EIF4G3: variants seen among roughly 807,000 people sequenced by gnomAD.
EIF4G3 encodes eIF-4-gamma 3.
Under a neutral mutation model 186.4 loss-of-function variants are expected in EIF4G3, and 34 were observed. The ratio of observed to expected loss-of-function variants is 0.18; its 90% CI spans 0.14 to 0.24. The LOEUF is 0.24. Among genes scored for constraint, EIF4G3 ranks in the 10% least tolerant of loss-of-function variants. The pLI, the probability that EIF4G3 is intolerant of heterozygous loss-of-function variation, is 1.00. For missense variants in EIF4G3, 1,536 were observed against 1,948.5 expected (o/e 0.79, Z 3.99); for synonymous variants, 673 against 679.5 (o/e 0.99, Z 0.15).
intron 3 of EIF4G3, among the ~76,000 whole-genome samples, chr1:21,061,726 T>C (rs2154578551): frequency 6.6e-6 from 1 of 151,848 alleles, no homozygotes; most frequent in Admixed American, 6.6e-5. Flanking sequence ...ATCAATATGG[T>C]TTATTTCTCT....
intron 2 of EIF4G3, among the ~76,000 whole-genome samples, chr1:21,170,751 G>A (rs1194651903): frequency 1.3e-5 from 2 of 152,102 alleles, no homozygotes; most frequent in Non-Finnish European, 1.5e-5. Context: ...CACTTGGGGA[G>A]GTCAAGGTGG....
intron 12 of EIF4G3, among the ~76,000 whole-genome samples, chr1:20,962,420 A>G (rs1234068405): frequency 1.3e-5 from 2 of 152,218 alleles, no homozygotes; most frequent in African/African-American, 4.8e-5. Context: ...ATTTATCAGT[A>G]TCATAAGTTT....
At chr1:21,088,008 A>G (rs1449628707) in intron 3 of EIF4G3, among the ~76,000 whole-genome samples, 1 of 152,038 alleles carries the variant, frequency 6.6e-6, no homozygotes, top group Non-Finnish European at 1.5e-5. Flanking sequence ...AGGCAGGAGG[A>G]TAACTTGAGG....
At chr1:21,165,491 A>C (rs535033433) in intron 2 of EIF4G3, among the ~76,000 whole-genome samples, 115 of 152,356 alleles carry the variant, frequency 7.5e-4, no homozygotes, top group African/African-American at 2.4e-3. Context: ...GGTACATGGA[A>C]TATTACTCAA....
At chr1:21,142,268 G>A (rs768432000) in intron 2 of EIF4G3, among the ~76,000 whole-genome samples, 12 of 151,968 alleles carry the variant, frequency 7.9e-5, no homozygotes, top group Non-Finnish European at 1.3e-4. Flanking sequence ...GGGAGGTTGC[G>A]GTGGGTGGAC....
chr1:20,980,866 T>C lies in EIF4G3; in HGVS notation c.378+182A>G, dbSNP rs183488258. 1.8e-3 allele frequency among the ~76,000 whole-genome samples: 273 copies of C among 152,248 alleles called. 2 individuals carry two copies. The highest frequency in any genetic ancestry group is 0.017 in the Admixed American group (255 of 15,280). ...TTTTAAAAAATTTTAAGTAAACAGATGTAGAAATATCTTCACACAGCATAA... is the reference window on the plus strand; with the variant it reads ...TTTTAAAAAATTTTAAGTAAACAGACGTAGAAATATCTTCACACAGCATAA... On this transcript the variant is annotated intron_variant, in intron 9 of 36. Coordinates refer to ENST00000602326, the MANE Select transcript of EIF4G3 (RefSeq NM_001391906.1).
At chr1:20,896,322 A>C (rs1056399405) in intron 16 of EIF4G3, among the ~76,000 whole-genome samples, 2 of 151,430 alleles carry the variant, frequency 1.3e-5, no homozygotes, top group African/African-American at 4.8e-5. Flanking sequence ...CTGTAGTCCC[A>C]GCTATCAGGT....
rs200389513 is a variant in EIF4G3, at chr1:20,819,720, ATAAC to A, written c.4369-2186_4369-2183del. ...GGGAGAAGGGAGAAGATCAGGAAAA[ATAAC>A]TAATAGGTACTAGGCTTAATACCTG... On this transcript the variant is annotated intron_variant, in intron 33 of 36. Coordinates refer to ENST00000602326, the MANE Select transcript of EIF4G3 (RefSeq NM_001391906.1). 6.9e-3 allele frequency among the ~76,000 whole-genome samples: 1,053 copies of A among 152,324 alleles called. 6 individuals are homozygous for A. Among genetic ancestry groups the A allele is most frequent in the Non-Finnish European group, 0.011 (724 of 68,030 alleles).
At chr1:20,849,572 T>A (rs2072579024) in intron 28 of EIF4G3, 42 bp from the exon 29 acceptor site, 2 of 920,724 alleles carry the variant, frequency 2.2e-6, no homozygotes, top group South Asian at 3.7e-5. Flanking sequence ...ATAATAAAAA[T>A]TACTATTAAA....
At chr1:20,952,969 G>T (rs772105509) in intron 12 of EIF4G3, among the ~76,000 whole-genome samples, 1 of 152,094 alleles carries the variant, frequency 6.6e-6, no homozygotes, top group Non-Finnish European at 1.5e-5. Flanking sequence ...GAAAAATCAG[G>T]AAACATACCA....
At chr1:20,831,104 T>C (rs923572481) in intron 30 of EIF4G3, among the ~76,000 whole-genome samples, 1 of 152,068 alleles carries the variant, frequency 6.6e-6, no homozygotes, top group Non-Finnish European at 1.5e-5. Context: ...TTTCTTTGGG[T>C]GGAAGGAAAA....
intron 4 of EIF4G3, among the ~76,000 whole-genome samples, chr1:21,019,523 G>A (rs767547394): frequency 5.3e-5 from 8 of 152,126 alleles, no homozygotes; most frequent in Non-Finnish European, 1.0e-4. Context: ...TTATGTTTCA[G>A]TGAATGAAAA....
chr1:21,053,835 G>A (rs1378154380), intron 3 of EIF4G3, among the ~76,000 whole-genome samples: 19 of 148,532 alleles, frequency 1.3e-4, no homozygotes, highest in East Asian at 1.0e-3. Context: ...CGCCCCATCC[G>A]GGAGGGAGGT....
intron 14 of EIF4G3, among the ~76,000 whole-genome samples, chr1:20,916,741 T>C (rs1451582858): frequency 2.0e-5 from 3 of 152,124 alleles, no homozygotes; most frequent in Admixed American, 6.5e-5. Context: ...GACCGTGTGG[T>C]ATGAGCAACA....
At chr1:20,997,394 C>T (rs940074450) in intron 7 of EIF4G3, among the ~76,000 whole-genome samples, 1 of 151,688 alleles carries the variant, frequency 6.6e-6, no homozygotes, top group African/African-American at 2.4e-5. Flanking sequence ...TTAAATGTGC[C>T]ATAAACAGAG....
intron 7 of EIF4G3, among the ~76,000 whole-genome samples, chr1:20,989,707 G>A (rs1036697879): frequency 1.3e-5 from 2 of 151,944 alleles, no homozygotes; most frequent in Admixed American, 6.6e-5. Context: ...ATCTACTCCC[G>A]GTAAGGAGCT....
chr1:20,943,972 T>TGTGTGTGTGTGTGTGTGTG (rs1558363073), intron 13 of EIF4G3, among the ~76,000 whole-genome samples: 1 of 44,840 alleles, frequency 2.2e-5, no homozygotes, highest in Admixed American at 2.2e-4. Context: ...TCTTTATTTT[T>TGTGTGTGTGTGTGTGTGTG]TTTGTGTGTG....
Position 20,813,034 on chromosome 1 carries a change from GT to G in EIF4G3, c.4597+123del. On this transcript the variant is annotated intron_variant, in intron 35 of 36. Coordinates refer to ENST00000602326, the MANE Select transcript of EIF4G3 (RefSeq NM_001391906.1). ...CCAGGCATCACAGACAGAAAGGACA[GT>G]GCACAGAAAAGTGAGCTACATAGGA... 3 of 656,782 alleles carry G rather than the reference GT, an allele frequency of 4.6e-6. No homozygotes were observed. In the South Asian group the frequency reaches 5.7e-5, roughly 13 times the overall value. The allele number at this position is 656,782 out of a possible 1,614,324, so 40.7% of individuals were successfully genotyped here. A position where few individuals can be genotyped will look rare whatever the true frequency, so the allele number is the denominator to read the frequency against.
At position 20,807,226 on chromosome 1, in the gene EIF4G3, T is replaced by C. The variant is rs2058234819; in HGVS notation, c.*93A>G. The C allele has an allele frequency of 2.4e-5, 29 of 1,208,712 alleles. No homozygotes were observed. The highest frequency in any genetic ancestry group is 4.9e-5 in the East Asian group (2 of 41,028). The allele number at this position is 1,208,712 out of a possible 1,614,324, so 74.9% of individuals were successfully genotyped here. On this transcript the variant is annotated 3_prime_UTR_variant, in exon 37 of 37. Transcript: ENST00000602326. ...GCACACGTGGGGGTTTCTGCGAGAA[T>C]TGGCCTTGCTGCACTGTGATTGGCG...
Sources: allele counts gnomAD v4.1 joint callset (sites outside exome capture counted in the v4.1 genomes callset), GRCh38; gene constraint gnomAD v4.1.1; transcripts MANE v1.5; gene names NCBI Gene and HGNC (gene_info 2026-07-23, HGNC 2026-07-21).